Variants in CORIN observed in about 807,000 individuals in gnomAD.
The protein encoded by CORIN is atrial natriuretic peptide-converting enzyme.
CORIN carries 117 observed loss-of-function variants against 125.3 expected under a neutral mutation model. That is an observed-to-expected ratio of 0.93 (90% confidence interval 0.80 to 1.09). CORIN has a LOEUF of 1.09. CORIN is among the 50% of genes least tolerant of loss of function. CORIN has a pLI of 0.00. For missense variants in CORIN, 1,253 were observed against 1,306.7 expected, an observed-to-expected ratio of 0.96 and a Z score of 0.63; for synonymous variants, 450 against 466.4, an observed-to-expected ratio of 0.96 and a Z score of 0.45.
At chr4:47,754,094 A>G (rs1729029100) in intron 4 of CORIN, among the ~76,000 whole-genome samples, 1 of 152,218 alleles carries the variant, frequency 6.6e-6, no homozygotes, top group African/African-American at 2.4e-5. Flanking sequence ...GTAACATGAC[A>G]AGGCATTTTT....
At chr4:47,836,314 C>CA (rs11442104) in intron 1 of CORIN, among the ~76,000 whole-genome samples, 57,049 of 150,660 alleles carry the variant, frequency 0.38, 11,418 homozygotes, top group Non-Finnish European at 0.45. Flanking sequence ...TTGACTGTGA[C>CA]AAAAAAAAAT....
chr4:47,653,849 C>T (rs1387015342), intron 12 of CORIN, among the ~76,000 whole-genome samples, 189 bp from the exon 13 acceptor site: 3 of 152,172 alleles, frequency 2.0e-5, no homozygotes, highest in Non-Finnish European at 4.4e-5. Context: ...TCATTCTTGG[C>T]CTCATCCCTC....
At chr4:47,775,266 C>T (rs1185009537) in intron 3 of CORIN, among the ~76,000 whole-genome samples, 1 of 151,574 alleles carries the variant, frequency 6.6e-6, no homozygotes, top group African/African-American at 2.4e-5. Flanking sequence ...ATGTGCACAA[C>T]GTACAGGTTT....
chr4:47,621,539 TTTTG>T (rs1004281361), intron 19 of CORIN, among the ~76,000 whole-genome samples: 5 of 152,336 alleles, frequency 3.3e-5, no homozygotes, highest in Middle Eastern at 3.4e-3. Context: ...TTATGTTTGG[TTTTG>T]TTTGTTTTGT....
intron 5 of CORIN, chr4:47,706,364 A>G: frequency 1.3e-6 from 2 of 1,593,818 alleles, no homozygotes; most frequent in South Asian, 1.1e-5. Flanking sequence ...GCCATCAGGT[A>G]AGCCAAGATG....
At chr4:47,657,848 C>G (rs557762847) in intron 12 of CORIN, among the ~76,000 whole-genome samples, 4 of 152,258 alleles carry the variant, frequency 2.6e-5, no homozygotes, top group Non-Finnish European at 5.9e-5. Flanking sequence ...TCCCACCAGA[C>G]CCCACCTCCA....
chr4:47,716,116 T>G (rs899161478), intron 5 of CORIN, among the ~76,000 whole-genome samples: 2 of 152,232 alleles, frequency 1.3e-5, no homozygotes, highest in African/African-American at 4.8e-5. Context: ...GTAAATTGGT[T>G]GTTTACTTTT....
intron 19 of CORIN, among the ~76,000 whole-genome samples, chr4:47,606,692 TTC>T (rs569914900): frequency 5.6e-4 from 85 of 152,038 alleles, no homozygotes; most frequent in African/African-American, 1.9e-3. Context: ...CCTTTTTTCC[TTC>T]TTTCTTTTAC....
rs1723252512 is a variant in CORIN, at chr4:47,642,021, AGAG to A, written c.2094_2096del (p.Ser700del). The stretch of plus-strand genomic sequence containing the variant: ...CAGCTCTGTGAACCATCAGAAAGGA[AGAG>A]GAGTTCACATTTATAGAGAGGGTCA... On this transcript the variant is annotated inframe_deletion, in exon 16 of 22. Transcript: ENST00000273857. 2.5e-6 allele frequency: 4 copies of A among 1,613,306 alleles called. No individual in the cohort carries two copies. Among genetic ancestry groups the A allele is most frequent in the African/African-American group, 2.7e-5 (2 of 74,918 alleles).
chr4:47,605,586 T>G (rs1258118086), intron 19 of CORIN, among the ~76,000 whole-genome samples: 1 of 152,162 alleles, frequency 6.6e-6, no homozygotes, highest in Non-Finnish European at 1.5e-5. Context: ...TCAGCCACAC[T>G]ACCACTGTTC....
intron 16 of CORIN, among the ~76,000 whole-genome samples, chr4:47,639,840 C>T (rs929881708): frequency 6.6e-6 from 1 of 152,224 alleles, no homozygotes; most frequent in Non-Finnish European, 1.5e-5. Context: ...ATAGCCTCAT[C>T]TTGACCATTA....
At chr4:47,790,432 C>CATTTTGCT (rs1731028213) in intron 2 of CORIN, among the ~76,000 whole-genome samples, 1 of 152,144 alleles carries the variant, frequency 6.6e-6, no homozygotes, top group Admixed American at 6.6e-5. Flanking sequence ...GCAGGACTGT[C>CATTTTGCT]ATTTTGCTGA....
chr4:47,720,076 C>T (rs1242322477), intron 5 of CORIN, among the ~76,000 whole-genome samples: 1 of 152,168 alleles, frequency 6.6e-6, no homozygotes, highest in African/African-American at 2.4e-5. Context: ...AATCAACTTG[C>T]ATTGCTTTGC....
At chr4:47,835,150 C>G (rs960028570) in intron 1 of CORIN, among the ~76,000 whole-genome samples, 17 of 152,138 alleles carry the variant, frequency 1.1e-4, no homozygotes, top group Non-Finnish European at 1.6e-4. Flanking sequence ...CTCTGAGGAA[C>G]AGGTAAGTCT....
intron 5 of CORIN, 140 bp downstream of exon 5, chr4:47,744,262 T>G: frequency 2.7e-6 from 2 of 750,576 alleles, no homozygotes; most frequent in Non-Finnish European, 4.2e-6. Context: ...TTCTATTCCT[T>G]GATCTGGGTT....
chr4:47,616,386 G>T (rs1722068267), intron 19 of CORIN, among the ~76,000 whole-genome samples: 1 of 152,056 alleles, frequency 6.6e-6, no homozygotes, highest in Admixed American at 6.6e-5. Context: ...AGATGAGTGA[G>T]TGTAGACATA....
intron 3 of CORIN, 96 bp downstream of exon 3, chr4:47,786,629 G>A (rs1020575443): frequency 1.0e-5 from 9 of 877,998 alleles, no homozygotes; most frequent in South Asian, 8.1e-5. Flanking sequence ...CTGTGTGACC[G>A]GCAAGTGATT....
intron 2 of CORIN, among the ~76,000 whole-genome samples, chr4:47,806,201 C>A (rs748459532): frequency 6.6e-6 from 1 of 151,830 alleles, no homozygotes; most frequent in Non-Finnish European, 1.5e-5. Context: ...ATCCTTAAGT[C>A]TCCTCCTTAG....
In CORIN at chr4:47,803,562, T is replaced by C. The variant is rs563569742; in HGVS notation, c.208+3341A>G. 9.7e-4 allele frequency among the ~76,000 whole-genome samples: 147 copies of C among 152,186 alleles called. 2 individuals are homozygous for C. Among genetic ancestry groups the C allele is most frequent in the Middle Eastern group, 3.4e-3 (1 of 294 alleles). ...CCAGAAACAAATTCACACACCTACA[T>C]AGACCTCATTTTCAATAAAGATGCC... On this transcript the variant is annotated intron_variant, in intron 2 of 21. Transcript: ENST00000273857.
Sources: gnomAD v4.1 joint callset for allele counts (sites outside exome capture counted in the v4.1 genomes callset) on GRCh38, gnomAD v4.1.1 for gene constraint, MANE v1.5 for transcripts, NCBI Gene and HGNC (gene_info 2026-07-23, HGNC 2026-07-21) for gene names.